BARD1: variants seen among roughly 807,000 people sequenced by gnomAD.
BARD1 encodes the protein BRCA1-associated RING domain protein 1.
BARD1 carries 73 observed loss-of-function variants against 77.0 expected under a neutral mutation model. That is an observed-to-expected ratio of 0.95 (90% CI 0.79 to 1.15). The LOEUF (loss-of-function observed/expected upper bound fraction) is 1.15. Among genes scored for constraint, BARD1 ranks in the 50% most tolerant of loss-of-function variants. The pLI, the probability that BARD1 is intolerant of heterozygous loss-of-function variation, is 0.00. For missense variants in BARD1, 993 were observed against 938.8 expected (o/e 1.06, Z -0.75); for synonymous variants, 384 against 338.0 (o/e 1.14, Z -1.49).
chr2:214,768,147 G>C (rs958508637), intron 5 of BARD1, among the ~76,000 whole-genome samples: 1 of 152,148 alleles, frequency 6.6e-6, no homozygotes, highest in Non-Finnish European at 1.5e-5. Context: ...GAAATAACAC[G>C]AGTAGGAATA....
chr2:214,780,001 G>A (rs1193495648), intron 4 of BARD1, among the ~76,000 whole-genome samples: 1 of 152,158 alleles, frequency 6.6e-6, no homozygotes, highest in Admixed American at 6.6e-5. Flanking sequence ...AATAATTAAA[G>A]AGAATGAACG....
rs876658313 is a variant in BARD1, at chr2:214,781,435, A to G, written c.439T>C (p.Phe147Leu). The G allele has an allele frequency of 1.9e-6, 3 of 1,613,470 alleles. No homozygotes were observed. In the South Asian group the frequency reaches 3.3e-5, roughly 18 times the overall value. Residue 147 changes from phenylalanine (F) to leucine (L), a missense_variant, in exon 4 of 11, where the codon TTT (phenylalanine) becomes CTT (leucine). By Grantham distance (22) the Phe-to-Leu change is conservative. Coordinates refer to ENST00000260947, the MANE Select transcript of BARD1 (RefSeq NM_000465.4). ...GNKKNSIKMW[F>L]SPRSKKVRYV... ...CTGACTTTCTTACTTCGAGGGCTAA[A>G]CCACATTTTAATTGAATTCTTCTTG...
intron 6 of BARD1, among the ~76,000 whole-genome samples, chr2:214,753,538 T>C: frequency 6.6e-6 from 1 of 152,130 alleles, no homozygotes; most frequent in East Asian, 1.9e-4. Flanking sequence ...AAACATGGTA[T>C]AATACTAATT....
At position 214,726,203 on chromosome 2, in the gene BARD1, AT is replaced by A; in HGVS notation, c.*2472del. 1 of 210,532 alleles carries A rather than the reference AT, an allele frequency of 4.7e-6. No homozygotes were observed. The highest frequency in any genetic ancestry group is 7.2e-5 in the East Asian group (1 of 13,960). 13.0% of individuals were successfully genotyped at this position (210,532 alleles called of 1,614,324 possible). Reference sequence around the variant, plus strand: ...CTAATATACTTCCCATCTGGTTTCTATTTTTCAGCAAGTCAAAAGAAAAAAC... The same window carrying A: ...CTAATATACTTCCCATCTGGTTTCTATTTTCAGCAAGTCAAAAGAAAAAAC... On this transcript the variant is annotated 3_prime_UTR_variant, in exon 11 of 11. Coordinates refer to ENST00000260947, the MANE Select transcript of BARD1 (RefSeq NM_000465.4).
chr2:214,752,414 A>G (rs557019608), intron 7 of BARD1, 33 bp downstream of exon 7: 2 of 1,543,736 alleles, frequency 1.3e-6, no homozygotes, highest in East Asian at 4.5e-5. Context: ...TTAATAAAAT[A>G]TATAAATGTC....
intron 7 of BARD1, among the ~76,000 whole-genome samples, chr2:214,749,156 G>A (rs1693280878): frequency 1.3e-5 from 2 of 149,902 alleles, no homozygotes; most frequent in Non-Finnish European, 3.0e-5. Flanking sequence ...GTGTGAGGAA[G>A]CTGGCCATGG....
chr2:214,745,570 A>T, intron 8 of BARD1, 152 bp downstream of exon 8: 1 of 900,238 alleles, frequency 1.1e-6, no homozygotes, highest in Non-Finnish European at 1.7e-6. Context: ...GTAGTTTATT[A>T]CTGAAAAAAA....
At chr2:214,757,957 A>C (rs994344786) in intron 6 of BARD1, among the ~76,000 whole-genome samples, 2 of 152,182 alleles carry the variant, frequency 1.3e-5, no homozygotes, top group Non-Finnish European at 2.9e-5. Context: ...AAAGGGGGTA[A>C]AGGGAGAGTG....
rs587781334 is a variant in BARD1 at position 214,767,569 on chromosome 2, T to C, written c.1481A>G (p.Asn494Ser). ...GGCTGCATCGTGAAGTGGTGAGTCATTTTGATACCCGGTGGTGTTCACCAA... is the reference window on the plus strand; with the variant it reads ...GGCTGCATCGTGAAGTGGTGAGTCACTTTGATACCCGGTGGTGTTCACCAA... ...KALVNTTGYQ[N>S]DSPLHDAAKN... The change falls in exon 6 of 11, where the codon AAT (asparagine) becomes AGT (serine). Residue 494 changes from asparagine (N) to serine (S), a missense_variant. Physicochemically the swap from Asn to Ser is conservative, Grantham distance 46. Transcript: ENST00000260947. 1 of 1,614,078 alleles carries C rather than the reference T, an allele frequency of 6.2e-7. No homozygotes were observed. Among genetic ancestry groups the C allele is most frequent in the Non-Finnish European group, 8.5e-7 (1 of 1,179,940 alleles).
intron 6 of BARD1, among the ~76,000 whole-genome samples, chr2:214,763,393 C>T (rs1476774705): frequency 6.6e-6 from 1 of 152,084 alleles, no homozygotes; most frequent in Non-Finnish European, 1.5e-5. Flanking sequence ...AGCAGGCAGA[C>T]AACTGAGGGG....
intron 3 of BARD1, among the ~76,000 whole-genome samples, chr2:214,787,699 T>A (rs1838801): frequency 2.0e-5 from 3 of 151,892 alleles, no homozygotes. Context: ...AAATATTGAG[T>A]AACAGAGATG....
At chr2:214,797,451 T>C (rs2106146515) in intron 1 of BARD1, among the ~76,000 whole-genome samples, 1 of 152,318 alleles carries the variant, frequency 6.6e-6, no homozygotes, top group Admixed American at 6.5e-5. Context: ...TTTCAACTAC[T>C]AAGGTGTATC....
chr2:214,727,110 C>G lies in BARD1; in HGVS notation c.*1566G>C, dbSNP rs760765662. The G allele has an allele frequency of 4.6e-6, 1 of 216,198 alleles. No individual in the cohort carries two copies. The highest frequency in any genetic ancestry group is 9.3e-6 in the Non-Finnish European group (1 of 107,386). 13.4% of individuals were successfully genotyped at this position (216,198 alleles called of 1,614,324 possible). On this transcript the variant is annotated 3_prime_UTR_variant, in exon 11 of 11. Coordinates refer to ENST00000260947, the MANE Select transcript of BARD1 (RefSeq NM_000465.4). ...TTTTCTATCAGAATGAAATGTGGGA[C>G]AAATGCATTACTGGTTGTAGAGAGT...
intron 1 of BARD1, among the ~76,000 whole-genome samples, chr2:214,804,635 T>C (rs1168099544): frequency 1.3e-5 from 2 of 152,182 alleles, no homozygotes; most frequent in Non-Finnish European, 2.9e-5. Context: ...TTCCTCATTT[T>C]ATAGATGAGG....
intron 3 of BARD1, 84 bp from the exon 4 acceptor site, chr2:214,781,593 C>T (rs1426180033): frequency 6.6e-6 from 7 of 1,052,898 alleles, no homozygotes; most frequent in African/African-American, 1.6e-5. Flanking sequence ...GTTTACAGTT[C>T]CCCTAAAGTG....
At chr2:214,766,272 T>A (rs185900656) in intron 6 of BARD1, among the ~76,000 whole-genome samples, 87 of 152,296 alleles carry the variant, frequency 5.7e-4, no homozygotes, top group African/African-American at 2.1e-3. Flanking sequence ...CAGAACCTCA[T>A]GTGAATGATG....
At chr2:214,769,771 C>T (rs1350787789) in intron 4 of BARD1, among the ~76,000 whole-genome samples, 4 of 151,966 alleles carry the variant, frequency 2.6e-5, no homozygotes, top group East Asian at 1.9e-4. Flanking sequence ...AAATTGTCTG[C>T]GTATAAATTA....
At chr2:214,778,446 A>C (rs1227883093) in intron 4 of BARD1, among the ~76,000 whole-genome samples, 1 of 152,134 alleles carries the variant, frequency 6.6e-6, no homozygotes, top group Non-Finnish European at 1.5e-5. Context: ...AGTTCAAGGA[A>C]ATAAAAATGG....
At position 214,780,569 on chromosome 2, in the gene BARD1, A is replaced by C. The variant is rs372679962; in HGVS notation, c.1305T>G (p.Ala435=). 1 of 1,613,510 alleles carries C rather than the reference A, an allele frequency of 6.2e-7. No individual in the cohort carries two copies. Among genetic ancestry groups the C allele is most frequent in the African/African-American group, 1.3e-5 (1 of 74,926 alleles). The change falls in exon 4 of 11, where the codon GCT becomes GCG. Residue 435 remains alanine (A), a synonymous_variant. Coordinates refer to ENST00000260947, the MANE Select transcript of BARD1 (RefSeq NM_000465.4). ...NHRGETLLHI[A]SIKGDIPSVE... is the part of the protein sequence containing the mutation. ...AGAGTAAGCATCCTACCTTAATAGA[A>C]GCAATATGGAGCAAAGTCTCTCCTC...
Sources: gnomAD v4.1 joint callset for allele counts (sites outside exome capture counted in the v4.1 genomes callset) on GRCh38, gnomAD v4.1.1 for gene constraint, MANE v1.5 for transcripts, NCBI Gene and HGNC (gene_info 2026-07-23, HGNC 2026-07-21) for gene names.